The following SYT9 variants were observed in gnomAD, a reference collection of about 807,000 sequenced individuals.
The protein encoded by SYT9 is synaptotagmin 9.
Under a neutral mutation model 48.4 loss-of-function variants are expected in SYT9, and 22 were observed. The observed-to-expected ratio is 0.45, with a 90% CI of 0.32 to 0.65. The LOEUF is 0.65. Ranked by LOEUF, SYT9 falls within the 30% of genes least tolerant of loss-of-function variation. The pLI, the probability that SYT9 is intolerant of heterozygous loss-of-function variation, is 0.03. For missense variants in SYT9, 577 were observed against 622.0 expected, an observed-to-expected ratio of 0.93 and a Z score of 0.77; for synonymous variants, 265 against 245.0, an observed-to-expected ratio of 1.08 and a Z score of -0.76.
intron 3 of SYT9, among the ~76,000 whole-genome samples, chr11:7,347,863 A>G (rs758803016): frequency 3.3e-5 from 5 of 152,128 alleles, no homozygotes; most frequent in Non-Finnish European, 7.4e-5. Flanking sequence ...CCGTGCTAGC[A>G]CTAGAATGCC....
intron 1 of SYT9, among the ~76,000 whole-genome samples, chr11:7,276,068 C>T (rs1289223801): frequency 6.6e-6 from 1 of 152,074 alleles, no homozygotes; most frequent in African/African-American, 2.4e-5. Context: ...GTGAATACAC[C>T]ATCCCCCACC....
At chr11:7,238,938 C>A (rs1847712724) in intron 1 of SYT9, 1 of 455,992 alleles carries the variant, frequency 2.2e-6, no homozygotes, top group African/African-American at 2.0e-5. Context: ...AGTGGGGAAT[C>A]TTGTGCCCAT....
chr11:7,301,918 G>A (rs1233617755), intron 1 of SYT9, among the ~76,000 whole-genome samples: 1 of 152,192 alleles, frequency 6.6e-6, no homozygotes, highest in African/African-American at 2.4e-5. Context: ...GGGGTGAAAT[G>A]TTTTGAACCT....
chr11:7,263,576 G>A lies in SYT9; in HGVS notation c.145+11245G>A, dbSNP rs916576663. Among the ~76,000 whole-genome samples, 4 of 152,292 alleles carry A rather than the reference G, an allele frequency of 2.6e-5. No individual in the cohort carries two copies. In the East Asian group the frequency reaches 5.8e-4, roughly 22 times the overall value. On this transcript the variant is annotated intron_variant, in intron 1 of 6. Coordinates refer to ENST00000318881, the MANE Select transcript of SYT9 (RefSeq NM_175733.4). ...GCAGGAACCAATAAGGAGACTGAGA[G>A]GGACCAGAAAGTAACGTGGAGAAAA...
At position 7,367,098 on chromosome 11, in the gene SYT9, T is replaced by TTTC. The variant is rs71056800; in HGVS notation, c.1045-48944_1045-48943insTTC. Among the ~76,000 whole-genome samples the TTTC allele has an allele frequency of 5.2e-3, 586 of 112,986 alleles. 82 individuals carry two copies. The highest frequency in any genetic ancestry group is 0.014 in the East Asian group (44 of 3,164). 74.1% of individuals were successfully genotyped at this position (112,986 alleles called of 152,430 possible). A position where few individuals can be genotyped will look rare whatever the true frequency, so the allele number is the denominator to read the frequency against. On this transcript the variant is annotated intron_variant, in intron 3 of 6. Coordinates refer to ENST00000318881, the MANE Select transcript of SYT9 (RefSeq NM_175733.4). ...TTTTTTTTTTTTTTTTTTTTTTTTT[T>TTTC]CGAGACGGAGCCTCGCTCTGTCACC...
At chr11:7,304,144 T>C (rs1295667289) in intron 2 of SYT9, among the ~76,000 whole-genome samples, 3 of 152,138 alleles carry the variant, frequency 2.0e-5, no homozygotes, top group Admixed American at 6.5e-5. Flanking sequence ...AAAAGAGGAG[T>C]AGATAGTACT....
chr11:7,396,271 C>T (rs73399570), intron 3 of SYT9, among the ~76,000 whole-genome samples: 3,814 of 152,128 alleles, frequency 0.025, 157 homozygotes, highest in African/African-American at 0.083. Context: ...CACTTTATCT[C>T]GCTGTATTTT....
chr11:7,406,874 A>G (rs1029870649), intron 3 of SYT9, among the ~76,000 whole-genome samples: 2 of 152,060 alleles, frequency 1.3e-5, no homozygotes, highest in Non-Finnish European at 2.9e-5. Flanking sequence ...TGTCTTTTTA[A>G]TAATAGCCAT....
At position 7,416,143 on chromosome 11, in the gene SYT9, G is replaced by A. The variant is rs866149392; in HGVS notation, c.1146G>A (p.Met382Ile). 1 of 1,614,156 alleles carries A rather than the reference G, an allele frequency of 6.2e-7. No individual in the cohort carries two copies. The highest frequency in any genetic ancestry group is 8.5e-7 in the Non-Finnish European group (1 of 1,180,014). Residue 382 changes from methionine (M) to isoleucine (I), a missense_variant, in exon 4 of 7, where the codon ATG (methionine) becomes ATA (isoleucine). Coordinates refer to ENST00000318881, the MANE Select transcript of SYT9 (RefSeq NM_175733.4). ...TIIKARNLKA[M>I]DITGASDPYV... The stretch of plus-strand genomic sequence containing the variant: ...TAAAAGCAAGGAATTTAAAGGCAAT[G>A]GACATAACAGGAGCATCAGGTGGGG...
chr11:7,318,312 T>C (rs543113865), intron 3 of SYT9, among the ~76,000 whole-genome samples: 90 of 148,660 alleles, frequency 6.1e-4, no homozygotes, highest in Non-Finnish European at 9.3e-4. Flanking sequence ...CTTGTAGAAC[T>C]CATTAATGCC....
intron 3 of SYT9, among the ~76,000 whole-genome samples, chr11:7,380,033 A>G (rs1850531418): frequency 6.6e-6 from 1 of 152,178 alleles, no homozygotes; most frequent in Non-Finnish European, 1.5e-5. Context: ...AAGATTTGGA[A>G]ACAACCTAAG....
intron 3 of SYT9, among the ~76,000 whole-genome samples, chr11:7,410,520 C>T (rs1040539723): frequency 6.6e-6 from 1 of 152,186 alleles, no homozygotes; most frequent in Non-Finnish European, 1.5e-5. Flanking sequence ...TCTGGGCACT[C>T]CAGGGTTGGA....
rs1273440570 is a variant in SYT9 at position 7,331,057 on chromosome 11, C to T, written c.1044+17116C>T. On this transcript the variant is annotated intron_variant, in intron 3 of 6. Transcript: ENST00000318881. Reference sequence around the variant, plus strand: ...AAGTGATCCACTCTCCTCAGCCTCCCAAAGTACTGGGATTACAGGCGTGAG... The same window carrying T: ...AAGTGATCCACTCTCCTCAGCCTCCTAAAGTACTGGGATTACAGGCGTGAG... Among the ~76,000 whole-genome samples, 3 of 151,834 alleles carry T rather than the reference C, an allele frequency of 2.0e-5. No homozygotes were observed. The East Asian group carries it at 6.0e-4, about 30-fold the overall frequency.
chr11:7,283,881 A>T (rs989429981), intron 1 of SYT9, among the ~76,000 whole-genome samples: 1 of 152,190 alleles, frequency 6.6e-6, no homozygotes, highest in Non-Finnish European at 1.5e-5. Flanking sequence ...TTTGTAAAAA[A>T]ATTAGTAACT....
At chr11:7,243,175 G>C (rs1412702636) in intron 1 of SYT9, among the ~76,000 whole-genome samples, 1 of 152,140 alleles carries the variant, frequency 6.6e-6, no homozygotes, top group Admixed American at 6.5e-5. Context: ...TGACAAGACA[G>C]CAATAATTTT....
intron 1 of SYT9, among the ~76,000 whole-genome samples, chr11:7,302,449 C>T (rs549362507): frequency 6.6e-6 from 1 of 152,210 alleles, no homozygotes; most frequent in Non-Finnish European, 1.5e-5. Context: ...TTCTATCCTG[C>T]GTCCTGAGGA....
chr11:7,342,168 T>C (rs550496885), intron 3 of SYT9, among the ~76,000 whole-genome samples: 1 of 152,122 alleles, frequency 6.6e-6, no homozygotes, highest in Admixed American at 6.5e-5. Flanking sequence ...ATTCCACCCC[T>C]GGGCCTCTCC....
At chr11:7,331,884 A>G (rs1306707983) in intron 3 of SYT9, among the ~76,000 whole-genome samples, 1 of 152,200 alleles carries the variant, frequency 6.6e-6, no homozygotes, top group East Asian at 1.9e-4. Flanking sequence ...ATCTCTGCCT[A>G]CCACACTAGA....
intron 3 of SYT9, among the ~76,000 whole-genome samples, chr11:7,388,180 T>C (rs1271328073): frequency 6.6e-6 from 1 of 152,224 alleles, no homozygotes; most frequent in Non-Finnish European, 1.5e-5. Context: ...GTTTACTTAA[T>C]GAGACATAGA....
Sources: gnomAD v4.1 joint callset for allele counts (sites outside exome capture counted in the v4.1 genomes callset) on GRCh38, gnomAD v4.1.1 for gene constraint, MANE v1.5 for transcripts, NCBI Gene and HGNC (gene_info 2026-07-23, HGNC 2026-07-21) for gene names.